Variants in SNX18 observed in about 807,000 individuals in gnomAD.
The protein encoded by SNX18 is sorting nexin 18, also known as sorting nexin-18.
Under a neutral mutation model 48.7 loss-of-function variants are expected in SNX18, and 35 were observed. The ratio of observed to expected loss-of-function variants is 0.72; its 90% confidence interval spans 0.55 to 0.95. The LOEUF (loss-of-function observed/expected upper bound fraction) is 0.95. SNX18 is among the 40% of genes least tolerant of loss of function. SNX18 has a pLI of 0.00. For synonymous variants in SNX18, 492 were observed against 384.7 expected (o/e 1.28, Z -3.26); for missense variants, 824 against 871.0 (o/e 0.95, Z 0.68).
chr5:54,578,399 C>A, the SNX18 span, among the ~76,000 whole-genome samples: 1 of 152,192 alleles, frequency 6.6e-6, no homozygotes, highest in Non-Finnish European at 1.5e-5. Flanking sequence ...TTTCCCCCGT[C>A]CCCAACACAC....
At chr5:54,569,838 G>A in the SNX18 span, among the ~76,000 whole-genome samples, 1 of 152,204 alleles carries the variant, frequency 6.6e-6, no homozygotes, top group Non-Finnish European at 1.5e-5. Context: ...ATTGGTCCAA[G>A]CAGTAGGAAG....
At chr5:54,554,306 G>A in the SNX18 span, among the ~76,000 whole-genome samples, 2 of 152,300 alleles carry the variant, frequency 1.3e-5, no homozygotes, top group South Asian at 4.1e-4. Context: ...TACAGTGCCT[G>A]GACCCCACTT....
At chr5:54,580,814 C>A in the SNX18 span, among the ~76,000 whole-genome samples, 9 of 152,312 alleles carry the variant, frequency 5.9e-5, 1 homozygote, top group South Asian at 1.9e-3. Context: ...AGGATGAAAA[C>A]AGTATGTTTC....
chr5:54,574,992 C>A, the SNX18 span, among the ~76,000 whole-genome samples: 3 of 152,172 alleles, frequency 2.0e-5, no homozygotes, highest in African/African-American at 7.2e-5. Flanking sequence ...TCAAAACCTG[C>A]CACAGCAGTG....
In SNX18 at chr5:54,544,293, T is replaced by C; in HGVS notation, c.*861T>C. ...CATGAGGAGGAGGAGTCTAAATCAGTCAGGGGATAAAAGTATCGAATCATT... is the reference window on the plus strand; with the variant it reads ...CATGAGGAGGAGGAGTCTAAATCAGCCAGGGGATAAAAGTATCGAATCATT... On this transcript the variant is annotated 3_prime_UTR_variant, in exon 2 of 2. Coordinates refer to ENST00000381410, the MANE Select transcript of SNX18 (RefSeq NM_001102575.2). 1 of 152,264 alleles carries C rather than the reference T, an allele frequency of 6.6e-6. No individual in the cohort carries two copies. The highest frequency in any genetic ancestry group is 1.9e-4 in the East Asian group (1 of 5,172). 9.4% of individuals were successfully genotyped at this position (152,264 alleles called of 1,614,324 possible). A position where few individuals can be genotyped will look rare whatever the true frequency, so the allele number is the denominator to read the frequency against.
At chr5:54,594,374 T>C in the SNX18 span, among the ~76,000 whole-genome samples, 9 of 152,218 alleles carry the variant, frequency 5.9e-5, no homozygotes, top group Non-Finnish European at 2.9e-5. Context: ...TGTACCCTTA[T>C]GTGCAGAAAA....
the SNX18 span, among the ~76,000 whole-genome samples, chr5:54,627,739 TG>T: frequency 6.6e-6 from 1 of 152,130 alleles, no homozygotes. Context: ...GTGCTTGACC[TG>T]GGGCTGAGTT....
At chr5:54,603,423 A>T in the SNX18 span, among the ~76,000 whole-genome samples, 1 of 152,052 alleles carries the variant, frequency 6.6e-6, no homozygotes, top group African/African-American at 2.4e-5. Flanking sequence ...TTTTAACCTA[A>T]GGACTGTTAT....
the SNX18 span, among the ~76,000 whole-genome samples, chr5:54,604,153 G>A: frequency 6.6e-6 from 1 of 152,180 alleles, no homozygotes; most frequent in African/African-American, 2.4e-5. Context: ...CATGCTGACA[G>A]TATGATGGCT....
At chr5:54,582,823 A>ACATAACTTAC in the SNX18 span, among the ~76,000 whole-genome samples, 7,912 of 152,228 alleles carry the variant, frequency 0.052, 260 homozygotes, top group Non-Finnish European at 0.081. Context: ...AAAGTTAAAC[A>ACATAACTTAC]CATAACTTAC....
the SNX18 span, among the ~76,000 whole-genome samples, chr5:54,572,775 T>TATATATATATA: frequency 1.3e-3 from 11 of 8,680 alleles, no homozygotes; most frequent in Admixed American, 2.2e-3. Flanking sequence ...TATATATATA[T>TATATATATATA]TTTTTTTTTT....
chr5:54,633,620 C>T, the SNX18 span, among the ~76,000 whole-genome samples: 1 of 152,170 alleles, frequency 6.6e-6, no homozygotes, highest in African/African-American at 2.4e-5. Flanking sequence ...ATATTATATA[C>T]CTCATAGGTA....
chr5:54,518,636 C>A lies in SNX18; in HGVS notation c.684C>A (p.Asn228Lys). The A allele has an allele frequency of 6.4e-7, 1 of 1,559,096 alleles. No individual in the cohort carries two copies. ...AGAGCTCGGCCACCGTGAGCCGCAA[C>A]CTCAATCGCTTCTCCACCTTCGTCA... The part of the protein sequence containing the change: ...GPKSSATVSR[N>K]LNRFSTFVKS... Residue 228 changes from asparagine (N) to lysine (K), a missense_variant, in exon 1 of 2, where the codon AAC (asparagine) becomes AAA (lysine). Physicochemically the swap from Asn to Lys is moderately conservative, Grantham distance 94 (BLOSUM62 0). Around this residue, in one of 3 missense-constraint regions of SNX18, gnomAD observed 377 missense variants for 350.6 expected, o/e 1.08. Transcript: ENST00000381410.
chr5:54,553,551 C>G, the SNX18 span, among the ~76,000 whole-genome samples: 2 of 152,188 alleles, frequency 1.3e-5, no homozygotes, highest in South Asian at 4.1e-4. Context: ...GGGACATTCT[C>G]CTTAGAGTGA....
chr5:54,532,313 T>G (rs1039138844), intron 1 of SNX18, among the ~76,000 whole-genome samples: 2 of 100,124 alleles, frequency 2.0e-5, no homozygotes, highest in Non-Finnish European at 4.8e-5. Flanking sequence ...GTTGCTTTTT[T>G]TTTTTCTTTT....
chr5:54,617,096 G>A, the SNX18 span, among the ~76,000 whole-genome samples: 11 of 152,148 alleles, frequency 7.2e-5, no homozygotes, highest in South Asian at 1.7e-3. Context: ...AAACAACTTC[G>A]TCAAAGGCCC....
At chr5:54,615,714 A>G in the SNX18 span, among the ~76,000 whole-genome samples, 1 of 152,188 alleles carries the variant, frequency 6.6e-6, no homozygotes. Context: ...TCCTTCAGTT[A>G]ATAGGGTAGC....
Position 54,517,866 on chromosome 5 carries a change from C to T in SNX18, c.-87C>T. ...GCCTTCGGGGCTCCAGTCCGCGCGC[C>T]AGGGCTCGAGCAGTACCGCGGGCCC... On this transcript the variant is annotated 5_prime_UTR_variant, in exon 1 of 2. Coordinates refer to ENST00000381410, the MANE Select transcript of SNX18 (RefSeq NM_001102575.2). 1 of 1,319,770 alleles carries T rather than the reference C, an allele frequency of 7.6e-7. No individual in the cohort carries two copies. 81.8% of individuals were successfully genotyped at this position (1,319,770 alleles called of 1,614,324 possible). A position where few individuals can be genotyped will look rare whatever the true frequency, so the allele number is the denominator to read the frequency against.
chr5:54,596,703 T>A, the SNX18 span, among the ~76,000 whole-genome samples: 1 of 152,172 alleles, frequency 6.6e-6, no homozygotes, highest in Non-Finnish European at 1.5e-5. Context: ...TCTGCTTAGA[T>A]CTCAATTTTC....
Sources: gnomAD v4.1 joint callset for allele counts (sites outside exome capture counted in the v4.1 genomes callset) on GRCh38, gnomAD v4.1.1 for gene constraint, gnomAD v4.1.1 regional missense constraint, MANE v1.5 for transcripts, NCBI Gene and HGNC (gene_info 2026-07-23, HGNC 2026-07-21) for gene names.